The following TSPAN5 variants were observed in gnomAD, a reference collection of about 807,000 sequenced individuals.
The protein encoded by TSPAN5 is tetraspanin 5.
A neutral mutation model predicts 37.1 loss-of-function variants in TSPAN5; 10 were observed. That is an observed-to-expected ratio of 0.27 (90% confidence interval 0.17 to 0.46). The LOEUF (loss-of-function observed/expected upper bound fraction) is 0.46. Among genes scored for constraint, TSPAN5 ranks in the 20% least tolerant of loss-of-function variants. The pLI is 1.00. For missense variants in TSPAN5, 195 were observed against 326.6 expected (o/e 0.60, Z 3.11); for synonymous variants, 110 against 118.9 (o/e 0.93, Z 0.48).
chr4:98,528,736 G>GA (rs1467855469), intron 1 of TSPAN5, among the ~76,000 whole-genome samples: 1 of 152,084 alleles, frequency 6.6e-6, no homozygotes, highest in Non-Finnish European at 1.5e-5. Flanking sequence ...AGGTAGAAAT[G>GA]AAAAACAGGA....
rs776359480 is a variant in TSPAN5, at chr4:98,658,128, A to G, written c.81+18T>C. The G allele has an allele frequency of 6.2e-7, 1 of 1,603,036 alleles. No homozygotes were observed. Among genetic ancestry groups the G allele is most frequent in the Non-Finnish European group, 8.5e-7 (1 of 1,169,936 alleles). On this transcript the variant is annotated intron_variant, in intron 1 of 7. Transcript: ENST00000305798. ...GATCGGCCACAATAGTTGGAATCCC[A>G]GGAGCGCTCCAACTTACCCAAAATA...
In TSPAN5 at chr4:98,486,763, C is replaced by T. The variant is rs928008489; in HGVS notation, c.254G>A (p.Arg85Gln). 16 of 1,613,880 alleles carry T rather than the reference C, an allele frequency of 9.9e-6. No individual in the cohort carries two copies. Among genetic ancestry groups the T allele is most frequent in the African/African-American group, 1.3e-5 (1 of 74,846 alleles). Residue 85 changes from arginine to glutamine, a missense_variant, in exon 3 of 8, where the codon CGG becomes CAG. Transcript: ENST00000305798. The stretch of plus-strand genomic sequence containing the variant: ...AAACTTGAGAAGGAAAGTGTTTTCC[C>T]GTAGCGCTCCAATGCACCCTGCAAA... Reference protein sequence around the residue: ...LGFAGCIGALRENTFLLKFFS... With the variant: ...LGFAGCIGALQENTFLLKFFS...
chr4:98,571,613 A>G (rs1248034221), intron 1 of TSPAN5, among the ~76,000 whole-genome samples: 6 of 152,142 alleles, frequency 3.9e-5, no homozygotes, highest in Admixed American at 3.3e-4. Flanking sequence ...TGACATCAGA[A>G]AGGGGGCACT....
chr4:98,488,150 G>A (rs1753013219), intron 2 of TSPAN5, among the ~76,000 whole-genome samples: 1 of 152,202 alleles, frequency 6.6e-6, no homozygotes. Context: ...TTGGTGATGG[G>A]CTGAAGGTGA....
In TSPAN5 at chr4:98,658,376, G is replaced by T; in HGVS notation, c.-150C>A. On this transcript the variant is annotated 5_prime_UTR_variant, in exon 1 of 8. Coordinates refer to ENST00000305798, the MANE Select transcript of TSPAN5 (RefSeq NM_005723.4). ...GCCTGGGCTCAGCCGCGCGGGGACC[G>T]ACCGGCGGAGAGCGGCTCCCGCACC... is the stretch of plus-strand genomic sequence containing the variant. The T allele has an allele frequency of 1.9e-6, 1 of 522,468 alleles. No individual in the cohort carries two copies. The allele number at this position is 522,468 out of a possible 1,614,324, so 32.4% of individuals were successfully genotyped here.
intron 1 of TSPAN5, chr4:98,657,839 C>T (rs2110299318): frequency 2.8e-6 from 1 of 355,690 alleles, no homozygotes; most frequent in Middle Eastern, 8.3e-4. Flanking sequence ...TGTGGTTGCT[C>T]ATTTCTCAAA....
Position 98,491,063 on chromosome 4 carries a change from GA to G in TSPAN5, c.133-4180del, listed in dbSNP as rs973643713. Among the ~76,000 whole-genome samples, 1,332 of 144,118 alleles carry G rather than the reference GA, an allele frequency of 9.2e-3. 13 individuals carry two copies. The highest frequency in any genetic ancestry group is 0.015 in the Non-Finnish European group (966 of 65,450). The allele number at this position is 144,118 out of a possible 152,430, so 94.5% of individuals were successfully genotyped here. A position where few individuals can be genotyped will look rare whatever the true frequency, so the allele number is the denominator to read the frequency against. ...GGTGACAAAGCGAGACTCTGCCTCA[GA>G]AAAAAAAAAAATTGTATGTATTGTA... On this transcript the variant is annotated intron_variant, in intron 2 of 7. Transcript: ENST00000305798.
chr4:98,644,079 G>T (rs1757013179), intron 1 of TSPAN5, among the ~76,000 whole-genome samples: 6 of 152,016 alleles, frequency 3.9e-5, no homozygotes, highest in Admixed American at 2.6e-4. Flanking sequence ...TTTTTAAAAA[G>T]TATAGAGTTT....
intron 1 of TSPAN5, among the ~76,000 whole-genome samples, chr4:98,542,856 AG>A (rs2110143544): frequency 6.6e-6 from 1 of 152,304 alleles, no homozygotes; most frequent in African/African-American, 2.4e-5. Context: ...TTACTTTGCA[AG>A]TATTGCTGAG....
intron 1 of TSPAN5, among the ~76,000 whole-genome samples, chr4:98,616,688 C>T (rs553548331): frequency 5.9e-5 from 9 of 152,130 alleles, no homozygotes; most frequent in East Asian, 1.9e-4. Context: ...TTCTATAATT[C>T]GACACCATGC....
chr4:98,605,394 T>C (rs17027835), intron 1 of TSPAN5, among the ~76,000 whole-genome samples: 5,203 of 152,222 alleles, frequency 0.034, 99 homozygotes, highest in South Asian at 0.058. Flanking sequence ...CCAGAACTGT[T>C]TGGTGGACAA....
intron 2 of TSPAN5, among the ~76,000 whole-genome samples, chr4:98,505,270 G>A (rs1753450895): frequency 6.6e-6 from 1 of 152,110 alleles, no homozygotes. Context: ...ATGCTCCAGT[G>A]GCTTCCCCTT....
intron 1 of TSPAN5, among the ~76,000 whole-genome samples, chr4:98,629,801 A>C (rs563319758): frequency 6.6e-6 from 1 of 152,368 alleles, no homozygotes; most frequent in East Asian, 1.9e-4. Flanking sequence ...CTATTCACAA[A>C]GGTACAGACT....
intron 1 of TSPAN5, among the ~76,000 whole-genome samples, chr4:98,606,152 G>A (rs1270823028): frequency 6.6e-6 from 1 of 152,196 alleles, no homozygotes; most frequent in Non-Finnish European, 1.5e-5. Context: ...AACTCCAATC[G>A]AGTGAAAATC....
intron 1 of TSPAN5, among the ~76,000 whole-genome samples, chr4:98,638,294 T>C (rs1413418638): frequency 6.6e-6 from 1 of 152,156 alleles, no homozygotes; most frequent in East Asian, 1.9e-4. Context: ...TTGGTCTCCC[T>C]TGGCACTCAG....
intron 5 of TSPAN5, among the ~76,000 whole-genome samples, 160 bp downstream of exon 5, chr4:98,478,525 T>A (rs1430988680): frequency 1.3e-5 from 2 of 152,210 alleles, no homozygotes; most frequent in African/African-American, 2.4e-5. Context: ...CAATTATTAC[T>A]CCTACTAGGA....
intron 1 of TSPAN5, among the ~76,000 whole-genome samples, chr4:98,554,972 G>A (rs1253367226): frequency 6.6e-6 from 1 of 152,214 alleles, no homozygotes; most frequent in East Asian, 1.9e-4. Context: ...AAGATACTCT[G>A]CTTGGAGCTA....
At chr4:98,567,600 C>T (rs912223699) in intron 1 of TSPAN5, among the ~76,000 whole-genome samples, 4 of 152,110 alleles carry the variant, frequency 2.6e-5, no homozygotes, top group South Asian at 2.1e-4. Flanking sequence ...CAACACAGCA[C>T]GGTTGGGATG....
At chr4:98,537,723 A>C (rs1392497538) in intron 1 of TSPAN5, among the ~76,000 whole-genome samples, 1 of 152,200 alleles carries the variant, frequency 6.6e-6, no homozygotes, top group Non-Finnish European at 1.5e-5. Flanking sequence ...TGCTGTCTGC[A>C]TTAGGAGGTG....
Sources: gnomAD v4.1 joint callset for allele counts (sites outside exome capture counted in the v4.1 genomes callset) on GRCh38, gnomAD v4.1.1 for gene constraint, MANE v1.5 for transcripts, NCBI Gene and HGNC (gene_info 2026-07-23, HGNC 2026-07-21) for gene names.